CIP2A: variants seen among roughly 807,000 people sequenced by gnomAD.
The protein encoded by CIP2A is protein CIP2A.
A neutral mutation model predicts 110.9 loss-of-function variants in CIP2A; 103 were observed. The observed-to-expected ratio is 0.93, with a 90% confidence interval of 0.79 to 1.09. The LOEUF (loss-of-function observed/expected upper bound fraction) is 1.09, where lower values mean the gene tolerates loss of function less well. CIP2A is among the 50% of genes least tolerant of loss of function. The probability of loss-of-function intolerance (pLI) is 0.00; values close to 1 mark genes in which losing one functional copy is unlikely to be tolerated. For missense variants in CIP2A, 1,088 were observed against 1,038.4 expected (o/e 1.05, Z -0.66); for synonymous variants, 381 against 361.6 (o/e 1.05, Z -0.61).
At chr3:108,581,988 G>A (rs903647171) in intron 4 of CIP2A, 120 bp downstream of exon 4, 9 of 471,546 alleles carry the variant, frequency 1.9e-5, no homozygotes, top group Middle Eastern at 5.8e-4. Flanking sequence ...AATAAGAATC[G>A]GAGTCTCACT....
intron 17 of CIP2A, 52 bp downstream of exon 17, chr3:108,557,166 T>C: frequency 1.7e-6 from 2 of 1,165,998 alleles, no homozygotes; most frequent in Non-Finnish European, 2.4e-6. Flanking sequence ...AAAGAAATGC[T>C]GCATGTTCAT....
chr3:108,580,179 AATTT>A, intron 5 of CIP2A, among the ~76,000 whole-genome samples: 1 of 152,186 alleles, frequency 6.6e-6, no homozygotes, highest in East Asian at 1.9e-4. Flanking sequence ...CAAATTTAAG[AATTT>A]GTTTTACGTT....
chr3:108,558,531 G>C (rs892551100), intron 16 of CIP2A, among the ~76,000 whole-genome samples: 1 of 152,180 alleles, frequency 6.6e-6, no homozygotes, highest in Non-Finnish European at 1.5e-5. Context: ...GCTATGCTAG[G>C]GCCTGGAGCT....
At position 108,588,090 on chromosome 3, in the gene CIP2A, C is replaced by A. The variant is rs140498497; in HGVS notation, c.102+1184G>T. On this transcript the variant is annotated intron_variant, in intron 1 of 20. Transcript: ENST00000295746. The stretch of plus-strand genomic sequence containing the variant: ...CCTGTGCCTTAAATCTCTTTCAGTG[C>A]ACAACCTTCCTGTTTATTCAAAGAA... Among the ~76,000 whole-genome samples the A allele has an allele frequency of 1.3e-3, 202 of 152,258 alleles. 1 individual carries two copies. In the Middle Eastern group the frequency reaches 0.014, roughly 10 times the overall value.
At chr3:108,576,172 A>G in intron 8 of CIP2A, 99 bp downstream of exon 8, 3 of 656,962 alleles carry the variant, frequency 4.6e-6, no homozygotes, top group East Asian at 2.9e-5. Flanking sequence ...AAATACAGAA[A>G]TCTGTGCATT....
At chr3:108,575,280 ACG>A (rs1938538561) in intron 8 of CIP2A, among the ~76,000 whole-genome samples, 1 of 130,666 alleles carries the variant, frequency 7.7e-6, no homozygotes, top group Admixed American at 7.0e-5. Flanking sequence ...ATACACACAC[ACG>A]TGTACGTACA....
intron 2 of CIP2A, among the ~76,000 whole-genome samples, chr3:108,584,034 T>C (rs889227570): frequency 2.0e-5 from 3 of 152,212 alleles, no homozygotes; most frequent in African/African-American, 7.2e-5. Flanking sequence ...GGAAGAATCT[T>C]TTCAGAAAGC....
chr3:108,569,003 T>C (rs1169927503), intron 9 of CIP2A, among the ~76,000 whole-genome samples: 1 of 151,106 alleles, frequency 6.6e-6, no homozygotes, highest in Non-Finnish European at 1.5e-5. Context: ...CTCTACTCCA[T>C]TTCACTGACT....
In CIP2A at chr3:108,549,867, T is replaced by A. The variant is rs2083874347; in HGVS notation, c.*1282A>T. 6.6e-6 allele frequency: 1 copy of A among 152,102 alleles called. No homozygotes were observed. The highest frequency in any genetic ancestry group is 1.5e-5 in the Non-Finnish European group (1 of 67,948). 9.4% of individuals were successfully genotyped at this position (152,102 alleles called of 1,614,324 possible). On this transcript the variant is annotated 3_prime_UTR_variant, in exon 21 of 21. Coordinates refer to ENST00000295746, the MANE Select transcript of CIP2A (RefSeq NM_020890.3). ...TCTTTCTTTAACGTTTTGTCTCTTT[T>A]ATTTTATAGACCCTTTTATTCTTCA...
intron 5 of CIP2A, among the ~76,000 whole-genome samples, chr3:108,580,522 A>T (rs1938833256): frequency 6.6e-6 from 1 of 151,834 alleles, no homozygotes; most frequent in Non-Finnish European, 1.5e-5. Context: ...GTAGCACTTG[A>T]ACAAGTGAGA....
intron 8 of CIP2A, among the ~76,000 whole-genome samples, chr3:108,575,468 G>GTA (rs1215617700): frequency 1.4e-5 from 2 of 146,342 alleles, no homozygotes; most frequent in Non-Finnish European, 1.5e-5. Flanking sequence ...ATACATGTGA[G>GTA]TATATATACA....
At chr3:108,585,600 C>A (rs1270507877) in intron 1 of CIP2A, 1 of 435,392 alleles carries the variant, frequency 2.3e-6, no homozygotes, top group Non-Finnish European at 4.6e-6. Flanking sequence ...AAGGCATAGC[C>A]TACAAATCTG....
At chr3:108,559,371 A>G (rs1048773386) in intron 16 of CIP2A, among the ~76,000 whole-genome samples, 2 of 152,162 alleles carry the variant, frequency 1.3e-5, no homozygotes, top group Non-Finnish European at 2.9e-5. Context: ...TTTGCTGTAT[A>G]TTTAAATGGA....
rs1279607401 is a variant in CIP2A at position 108,589,364 on chromosome 3, A to G, written c.12T>C (p.Thr4=). Residue 4 remains threonine, a synonymous_variant, in exon 1 of 21, where the codon ACT becomes ACC. Transcript: ENST00000295746. ...TCAGGAGCAAGGACTTCAAGCAGGCAGTGGAGTCCATTGCACCGGCCGCGG... is the reference window on the plus strand; with the variant it reads ...TCAGGAGCAAGGACTTCAAGCAGGCGGTGGAGTCCATTGCACCGGCCGCGG... MDS[T]ACLKSLLLTV... is the part of the protein sequence containing the mutation. The G allele has an allele frequency of 6.2e-7, 1 of 1,613,212 alleles. No individual in the cohort carries two copies. Among genetic ancestry groups the G allele is most frequent in the Non-Finnish European group, 8.5e-7 (1 of 1,179,460 alleles).
Position 108,579,591 on chromosome 3 carries a change from G to A in CIP2A, c.647C>T (p.Thr216Ile). 6.3e-7 allele frequency: 1 copy of A among 1,595,534 alleles called. No individual in the cohort carries two copies. Among genetic ancestry groups the A allele is most frequent in the Non-Finnish European group, 8.6e-7 (1 of 1,167,960 alleles). ...VFALSILSSL[T>I]LNEEVGEKLF... ...CTTTTCCCCCACCTCTTCATTTAAT[G>A]TCAAACTGGATAATATTGAAAGTGC... The change falls in exon 6 of 21, where the codon ACA becomes ATA. Residue 216 changes from threonine (T) to isoleucine (I), a missense_variant. Thr to Ile is a moderately conservative substitution (Grantham distance 89). Coordinates refer to ENST00000295746, the MANE Select transcript of CIP2A (RefSeq NM_020890.3).
In CIP2A at chr3:108,557,457, A is replaced by G. The variant is rs755791116; in HGVS notation, c.2014-43T>C. The G allele has an allele frequency of 2.8e-6, 4 of 1,431,178 alleles. No homozygotes were observed. In the South Asian group the frequency reaches 4.0e-5, roughly 14 times the overall value. 88.7% of individuals were successfully genotyped at this position (1,431,178 alleles called of 1,614,324 possible). A position where few individuals can be genotyped will look rare whatever the true frequency, so the allele number is the denominator to read the frequency against. ...GATAGACTTTACCACTATCATCTAT[A>G]TCATATGCTCAACACATACCTACAA... On this transcript the variant is annotated intron_variant, in intron 16 of 20. Coordinates refer to ENST00000295746, the MANE Select transcript of CIP2A (RefSeq NM_020890.3).
rs1559694396 is a variant in CIP2A at position 108,566,582 on chromosome 3, T to A, written c.1330A>T (p.Lys444Ter). Residue 444 changes from lysine to a stop codon, truncating the protein, a stop_gained, in exon 11 of 21, where the codon AAG (lysine) becomes TAG (stop). Transcript: ENST00000295746. LOFTEE classifies it high-confidence loss of function. ...TGTTGTTCTATAAGAGTGGTACACT[T>A]GACAGTTGTCAAGATTTTTGCAATA... The part of the protein sequence containing the change: ...MHIAKILTTV[K>*]CTTLIEQQFT... The A allele has an allele frequency of 6.2e-7, 1 of 1,606,178 alleles. No homozygotes were observed. The highest frequency in any genetic ancestry group is 1.1e-5 in the South Asian group (1 of 89,738).
rs758543898 is a variant in CIP2A at position 108,553,701 on chromosome 3, T to C, written c.2354A>G (p.Glu785Gly). 2.7e-6 allele frequency: 4 copies of C among 1,496,320 alleles called. No individual in the cohort carries two copies. Among genetic ancestry groups the C allele is most frequent in the Admixed American group, 3.4e-5 (2 of 59,694 alleles). 92.7% of individuals were successfully genotyped at this position (1,496,320 alleles called of 1,614,324 possible). ...KSIAQLIEKE[E>G]QRKEVQNQLV... ...CTGATTCTGTACTTCTTTTCTCTGT[T>C]CTTCTTTCTCTATTAATTGGGCAAT... The change falls in exon 19 of 21, where the codon GAA (glutamate) becomes GGA (glycine). Residue 785 changes from glutamate to glycine, a missense_variant. Transcript: ENST00000295746.
At chr3:108,559,683 T>C in intron 16 of CIP2A, 74 bp downstream of exon 16, 1 of 756,366 alleles carries the variant, frequency 1.3e-6, no homozygotes, top group South Asian at 2.8e-5. Flanking sequence ...GAGTAACAAA[T>C]ACATAACTAA....
Sources: gnomAD v4.1 joint callset for allele counts (sites outside exome capture counted in the v4.1 genomes callset) on GRCh38, gnomAD v4.1.1 for gene constraint, MANE v1.5 for transcripts, NCBI Gene and HGNC (gene_info 2026-07-23, HGNC 2026-07-21) for gene names.